TMEM273: variants seen among roughly 807,000 people sequenced by gnomAD.
TMEM273 encodes the protein chromosome 10 open reading frame 128.
TMEM273 carries 19 observed loss-of-function variants against 17.9 expected under a neutral mutation model. That is an observed-to-expected ratio of 1.06 (90% CI 0.74 to 1.55). The LOEUF (loss-of-function observed/expected upper bound fraction) is 1.55, where lower values mean the gene tolerates loss of function less well. Among genes scored for constraint, TMEM273 ranks in the 40% most tolerant of loss-of-function variants. TMEM273 has a pLI of 0.00. For synonymous variants in TMEM273, 66 were observed against 62.0 expected (o/e 1.07, Z -0.31); for missense variants, 194 against 155.6 (o/e 1.25, Z -1.31).
intron 6 of TMEM273, among the ~76,000 whole-genome samples, chr10:49,158,898 T>C (rs1248556026): frequency 6.6e-6 from 1 of 152,238 alleles, no homozygotes; most frequent in Non-Finnish European, 1.5e-5. Context: ...GGGAAAAGTA[T>C]ATATGCACAG....
At chr10:49,179,520 T>C (rs990542126) in intron 1 of TMEM273, among the ~76,000 whole-genome samples, 1 of 152,212 alleles carries the variant, frequency 6.6e-6, no homozygotes, top group Non-Finnish European at 1.5e-5. Flanking sequence ...TCCAGAACTC[T>C]TTTCAAACTT....
intron 6 of TMEM273, chr10:49,156,214 T>A: frequency 7.1e-7 from 1 of 1,415,006 alleles, no homozygotes; most frequent in African/African-American, 1.4e-5. Flanking sequence ...TTTGGGAAAC[T>A]TTTCACTTTC....
At chr10:49,186,487 T>C (rs537541485) in intron 1 of TMEM273, among the ~76,000 whole-genome samples, 63 of 152,340 alleles carry the variant, frequency 4.1e-4, no homozygotes, top group Admixed American at 7.2e-4. Context: ...TTTTGCCAAA[T>C]TGCCCTCTGG....
rs747807957 is a variant in TMEM273, at chr10:49,166,976, C to T, written c.131G>A (p.Gly44Asp). 6.2e-7 allele frequency: 1 copy of T among 1,614,216 alleles called. No homozygotes were observed. The highest frequency in any genetic ancestry group is 2.2e-5 in the East Asian group (1 of 44,878). Residue 44 changes from glycine to aspartate, a missense_variant, in exon 3 of 7, where the codon GGT becomes GAT. Coordinates refer to ENST00000374153, the MANE Select transcript of TMEM273 (RefSeq NM_001288740.3). ...FKYALIGTAV[G>D]VAISAGFLAL... ...CAGGAAGCCAGCAGATATGGCGACACCCACAGCAGTCCCGATGAGGGCGTA... is the reference window on the plus strand; with the variant it reads ...CAGGAAGCCAGCAGATATGGCGACATCCACAGCAGTCCCGATGAGGGCGTA...
chr10:49,170,894 G>A (rs540610615), intron 1 of TMEM273, among the ~76,000 whole-genome samples: 1 of 152,336 alleles, frequency 6.6e-6, no homozygotes, highest in South Asian at 2.1e-4. Context: ...TAGACCCCCT[G>A]CAAGCCTCCA....
chr10:49,161,760 C>T, intron 5 of TMEM273, 138 bp from the exon 6 acceptor site: 2 of 1,008,066 alleles, frequency 2.0e-6, no homozygotes, highest in Non-Finnish European at 1.5e-6. Flanking sequence ...CTCAGCCTGA[C>T]TCCATCTAGT....
chr10:49,178,871 A>G (rs1564643341), intron 1 of TMEM273, among the ~76,000 whole-genome samples: 1 of 152,224 alleles, frequency 6.6e-6, no homozygotes, highest in East Asian at 1.9e-4. Context: ...GTGAAAATCA[A>G]TATTTGCTTA....
At chr10:49,166,780 G>A in intron 3 of TMEM273, 89 bp downstream of exon 3, 1 of 1,576,950 alleles carries the variant, frequency 6.3e-7, no homozygotes, top group Non-Finnish European at 8.6e-7. Flanking sequence ...GCGCTTGTGG[G>A]TTCATTCTTG....
intron 1 of TMEM273, among the ~76,000 whole-genome samples, chr10:49,169,223 G>A (rs778821902): frequency 1.3e-5 from 2 of 152,170 alleles, no homozygotes; most frequent in Non-Finnish European, 2.9e-5. Context: ...AAACTTCCAG[G>A]CAAAGGCAGG....
chr10:49,181,880 CT>C (rs1564646847), intron 1 of TMEM273, among the ~76,000 whole-genome samples: 1 of 152,024 alleles, frequency 6.6e-6, no homozygotes, highest in Non-Finnish European at 1.5e-5. Context: ...GTAAAAGACC[CT>C]GTTAAGAGAA....
intron 1 of TMEM273, among the ~76,000 whole-genome samples, chr10:49,180,188 G>A (rs901745253): frequency 1.3e-5 from 2 of 152,162 alleles, no homozygotes; most frequent in African/African-American, 4.8e-5. Context: ...ACACTGCCCA[G>A]CCACCACGAG....
intron 4 of TMEM273, 94 bp downstream of exon 4, chr10:49,165,672 C>G (rs1413024341): frequency 7.1e-6 from 11 of 1,541,968 alleles, no homozygotes; most frequent in Middle Eastern, 1.8e-4. Flanking sequence ...TGCCAGAGTG[C>G]AGAGAAGGCT....
intron 5 of TMEM273, among the ~76,000 whole-genome samples, chr10:49,163,190 A>G (rs1845954515): frequency 6.6e-6 from 1 of 152,148 alleles, no homozygotes; most frequent in African/African-American, 2.4e-5. Context: ...CTCCCGCATC[A>G]GTGGATTTGG....
intron 1 of TMEM273, among the ~76,000 whole-genome samples, chr10:49,184,711 A>G (rs1284341138): frequency 2.0e-5 from 3 of 152,212 alleles, no homozygotes; most frequent in Non-Finnish European, 4.4e-5. Context: ...GCAATATCCA[A>G]CAAAAGGAGA....
At chr10:49,167,763 C>T (rs1846289068) in intron 2 of TMEM273, 146 bp downstream of exon 2, 3 of 980,240 alleles carry the variant, frequency 3.1e-6, no homozygotes, top group Admixed American at 2.2e-5. Context: ...GTCAGCTGCT[C>T]TGGGGGACCT....
chr10:49,183,964 A>G (rs777977410), intron 1 of TMEM273, among the ~76,000 whole-genome samples: 2 of 152,106 alleles, frequency 1.3e-5, no homozygotes, highest in Non-Finnish European at 2.9e-5. Context: ...ACATTGTGGC[A>G]TGATTCAAAG....
At chr10:49,157,269 G>A (rs1056712293) in intron 6 of TMEM273, among the ~76,000 whole-genome samples, 3 of 152,220 alleles carry the variant, frequency 2.0e-5, no homozygotes, top group African/African-American at 4.8e-5. Flanking sequence ...CTCTGCAGAT[G>A]GGTGTGTCAC....
intron 3 of TMEM273, 179 bp downstream of exon 3, chr10:49,166,690 G>C: frequency 1.2e-6 from 1 of 834,592 alleles, no homozygotes; most frequent in Admixed American, 2.3e-5. Context: ...ACAGAAGAAA[G>C]AGAAACAGAG....
intron 1 of TMEM273, among the ~76,000 whole-genome samples, chr10:49,175,716 C>T (rs1846912018): frequency 6.6e-6 from 1 of 152,248 alleles, no homozygotes; most frequent in African/African-American, 2.4e-5. Context: ...GGCAGGGCCC[C>T]CCCCACCTGG....
Sources: allele counts gnomAD v4.1 joint callset (sites outside exome capture counted in the v4.1 genomes callset), GRCh38; gene constraint gnomAD v4.1.1; transcripts MANE v1.5; gene names NCBI Gene and HGNC (gene_info 2026-07-23, HGNC 2026-07-21).